The following RALGAPA1 variants were observed in gnomAD, a reference collection of about 807,000 sequenced individuals.
The protein encoded by RALGAPA1 is Ral GTPase activating protein catalytic subunit alpha 1.
In RALGAPA1, 52 loss-of-function variants were observed where a neutral mutation model predicts 269.6. That is an observed-to-expected ratio of 0.19 (90% confidence interval 0.15 to 0.24). The LOEUF (loss-of-function observed/expected upper bound fraction) is 0.24. RALGAPA1 is among the 10% of genes least tolerant of loss of function. The pLI, the probability that RALGAPA1 is intolerant of heterozygous loss-of-function variation, is 1.00. For missense variants in RALGAPA1, 1,917 were observed against 3,013.9 expected (o/e 0.64, Z 8.52); for synonymous variants, 817 against 1,008.3 (o/e 0.81, Z 3.60).
At chr14:35,562,032 A>G (rs570127968) in intron 39 of RALGAPA1, among the ~76,000 whole-genome samples, 28 of 152,326 alleles carry the variant, frequency 1.8e-4, no homozygotes, top group African/African-American at 6.3e-4. Context: ...TTTGAAGAGA[A>G]TGACCATAAC....
At chr14:35,803,843 C>G (rs569315036) in intron 1 of RALGAPA1, among the ~76,000 whole-genome samples, 9 of 151,014 alleles carry the variant, frequency 6.0e-5, no homozygotes, top group Non-Finnish European at 1.0e-4. Context: ...AGGCTGGTCT[C>G]GAACTCCTGA....
chr14:35,615,495 C>A (rs1005565282), intron 35 of RALGAPA1, among the ~76,000 whole-genome samples: 3 of 152,002 alleles, frequency 2.0e-5, no homozygotes, highest in Non-Finnish European at 4.4e-5. Context: ...GAGGAAAGCT[C>A]AAAAATTGTC....
At chr14:35,615,280 A>G (rs2060181899) in intron 35 of RALGAPA1, among the ~76,000 whole-genome samples, 11 of 152,210 alleles carry the variant, frequency 7.2e-5, no homozygotes, top group Admixed American at 7.2e-4. Flanking sequence ...ATAAAATAAT[A>G]ATACATATCA....
intron 14 of RALGAPA1, among the ~76,000 whole-genome samples, chr14:35,724,810 T>C (rs2069737702): frequency 1.3e-5 from 2 of 152,188 alleles, no homozygotes; most frequent in African/African-American, 4.8e-5. Flanking sequence ...TATACTAGGT[T>C]TTATGTATGG....
At chr14:35,774,772 T>G (rs1035252723) in intron 3 of RALGAPA1, among the ~76,000 whole-genome samples, 3 of 152,154 alleles carry the variant, frequency 2.0e-5, no homozygotes, top group African/African-American at 7.2e-5. Flanking sequence ...ATCATACCAA[T>G]TTTGTGGTGT....
At chr14:35,773,028 C>T (rs1298643540) in intron 3 of RALGAPA1, among the ~76,000 whole-genome samples, 4 of 152,130 alleles carry the variant, frequency 2.6e-5, no homozygotes, top group Non-Finnish European at 5.9e-5. Context: ...AGCTGGCCAA[C>T]AACTGCATAA....
At chr14:35,637,610 T>C (rs2061744541) in intron 31 of RALGAPA1, among the ~76,000 whole-genome samples, 1 of 152,144 alleles carries the variant, frequency 6.6e-6, no homozygotes, top group African/African-American at 2.4e-5. Flanking sequence ...AATCTAGAGT[T>C]ATTGGCTTTA....
intron 14 of RALGAPA1, 115 bp from the exon 15 acceptor site, chr14:35,723,379 GCT>G (rs1491304224): frequency 3.4e-6 from 2 of 593,526 alleles, no homozygotes; most frequent in South Asian, 2.6e-5. Flanking sequence ...AAAATCGCAT[GCT>G]TTTTTTAATA....
chr14:35,544,071 C>T (rs949347650), intron 41 of RALGAPA1, among the ~76,000 whole-genome samples: 1 of 152,166 alleles, frequency 6.6e-6, no homozygotes, highest in African/African-American at 2.4e-5. Flanking sequence ...ATTTTACCTC[C>T]TCCTTACAAA....
chr14:35,711,511 A>C (rs77168398), intron 16 of RALGAPA1, among the ~76,000 whole-genome samples: 40 of 152,308 alleles, frequency 2.6e-4, no homozygotes, highest in African/African-American at 9.6e-4. Flanking sequence ...GCGGTGGCAT[A>C]ATCTCCGCTC....
chr14:35,700,422 A>C, intron 16 of RALGAPA1, 120 bp from the exon 17 acceptor site: 1 of 667,582 alleles, frequency 1.5e-6, no homozygotes, highest in Non-Finnish European at 2.2e-6. Flanking sequence ...GAAGGAAATT[A>C]TAAATTAAAA....
At chr14:35,704,591 A>G (rs1218822512) in intron 16 of RALGAPA1, among the ~76,000 whole-genome samples, 1 of 152,156 alleles carries the variant, frequency 6.6e-6, no homozygotes, top group African/African-American at 2.4e-5. Context: ...TCTTCGAAAC[A>G]TCATGTGACA....
At chr14:35,696,242 G>C (rs2066886961) in intron 17 of RALGAPA1, among the ~76,000 whole-genome samples, 1 of 151,914 alleles carries the variant, frequency 6.6e-6, no homozygotes. Context: ...CAACAACCCT[G>C]TCTCTACAAA....
intron 14 of RALGAPA1, among the ~76,000 whole-genome samples, chr14:35,724,235 T>C (rs2069684833): frequency 6.6e-6 from 1 of 152,100 alleles, no homozygotes; most frequent in South Asian, 2.1e-4. Flanking sequence ...GGAGTTTAGA[T>C]GATACATGTA....
intron 23 of RALGAPA1, 115 bp from the exon 24 acceptor site, chr14:35,674,393 G>A (rs1230987893): frequency 1.6e-6 from 2 of 1,234,538 alleles, no homozygotes; most frequent in Non-Finnish European, 1.1e-6. Context: ...ACAATTAAGT[G>A]ACTTTGCCAT....
At chr14:35,667,234 T>C (rs1350249466) in intron 26 of RALGAPA1, among the ~76,000 whole-genome samples, 1 of 152,096 alleles carries the variant, frequency 6.6e-6, no homozygotes, top group Non-Finnish European at 1.5e-5. Context: ...ACCCCAACTC[T>C]AGTAAAAATA....
At chr14:35,572,090 G>C (rs2057246802) in intron 38 of RALGAPA1, among the ~76,000 whole-genome samples, 1 of 151,992 alleles carries the variant, frequency 6.6e-6, no homozygotes, top group African/African-American at 2.4e-5. Context: ...TCCAACTATA[G>C]GATAGGTGAC....
chr14:35,629,692 C>A (rs761840464), intron 33 of RALGAPA1, among the ~76,000 whole-genome samples: 1 of 151,914 alleles, frequency 6.6e-6, no homozygotes, highest in Admixed American at 6.6e-5. Flanking sequence ...GTAGAGACTG[C>A]GTTTCACCAT....
chr14:35,576,579 T>C, intron 37 of RALGAPA1, among the ~76,000 whole-genome samples: 1 of 152,202 alleles, frequency 6.6e-6, no homozygotes, highest in Non-Finnish European at 1.5e-5. Flanking sequence ...AGCAAGTCAT[T>C]ACAGACTTTC....
Sources: gnomAD v4.1 joint callset for allele counts (sites outside exome capture counted in the v4.1 genomes callset) on GRCh38, gnomAD v4.1.1 for gene constraint, MANE v1.5 for transcripts, NCBI Gene and HGNC (gene_info 2026-07-23, HGNC 2026-07-21) for gene names.